Variants in KITLG observed in about 807,000 individuals in gnomAD.
KITLG encodes c-Kit ligand.
Under a neutral mutation model 34.1 loss-of-function variants are expected in KITLG, and 13 were observed. That is an observed-to-expected ratio of 0.38 (90% CI 0.25 to 0.61). The LOEUF (loss-of-function observed/expected upper bound fraction) is 0.61, where lower values mean the gene tolerates loss of function less well. Ranked by LOEUF, KITLG falls within the 20% of genes least tolerant of loss-of-function variation. The pLI is 0.60. For synonymous variants in KITLG, 110 were observed against 104.0 expected (o/e 1.06, Z -0.35); for missense variants, 292 against 318.9 (o/e 0.92, Z 0.64).
chr12:88,544,538 C>A (rs1426791017), intron 2 of KITLG, among the ~76,000 whole-genome samples: 2 of 151,600 alleles, frequency 1.3e-5, no homozygotes, highest in Non-Finnish European at 2.9e-5. Context: ...TCCCCCCTCA[C>A]CCCCATCCCT....
chr12:88,541,964 T>C (rs1388170501), intron 2 of KITLG, among the ~76,000 whole-genome samples: 1 of 152,170 alleles, frequency 6.6e-6, no homozygotes, highest in African/African-American at 2.4e-5. Flanking sequence ...AAGGAATGAT[T>C]TCCATTGAAG....
intron 9 of KITLG, 134 bp downstream of exon 9, chr12:88,505,025 C>T (rs1592836991): frequency 1.6e-5 from 8 of 515,936 alleles, no homozygotes; most frequent in Middle Eastern, 6.0e-4. Context: ...ATGTAAATGA[C>T]GAGTTAATGG....
At chr12:88,555,571 A>C (rs1871068730) in intron 1 of KITLG, among the ~76,000 whole-genome samples, 1 of 152,222 alleles carries the variant, frequency 6.6e-6, no homozygotes, top group African/African-American at 2.4e-5. Flanking sequence ...TACAGAAGGC[A>C]TATAGGTCTC....
intron 3 of KITLG, among the ~76,000 whole-genome samples, chr12:88,522,568 C>T (rs550041871): frequency 3.5e-4 from 53 of 151,964 alleles, no homozygotes; most frequent in African/African-American, 9.4e-4. Flanking sequence ...GTTGGGATTA[C>T]GGGCATCTGC....
chr12:88,556,795 A>G (rs966557020), intron 1 of KITLG, among the ~76,000 whole-genome samples: 5 of 152,200 alleles, frequency 3.3e-5, no homozygotes, highest in Non-Finnish European at 7.4e-5. Context: ...AGCCAAATAC[A>G]TGAGAGGGAA....
At chr12:88,579,829 C>A (rs1248475545) in intron 1 of KITLG, among the ~76,000 whole-genome samples, 1 of 152,170 alleles carries the variant, frequency 6.6e-6, no homozygotes, top group Non-Finnish European at 1.5e-5. Context: ...CGGGGCTACA[C>A]AAATAAATCT....
chr12:88,576,065 A>G (rs908932254), intron 1 of KITLG, among the ~76,000 whole-genome samples: 5 of 152,206 alleles, frequency 3.3e-5, no homozygotes, highest in African/African-American at 1.2e-4. Context: ...AAAATAAAAT[A>G]AAATGAAATA....
At chr12:88,518,961 C>G in intron 3 of KITLG, 94 bp from the exon 4 acceptor site, 1 of 1,107,826 alleles carries the variant, frequency 9.0e-7, no homozygotes, top group Non-Finnish European at 1.3e-6. Context: ...TTTAGTTACT[C>G]AAGTGATTCT....
intron 3 of KITLG, among the ~76,000 whole-genome samples, chr12:88,527,751 G>A (rs1869931530): frequency 6.6e-6 from 1 of 152,224 alleles, no homozygotes; most frequent in Non-Finnish European, 1.5e-5. Context: ...GATGGACTCT[G>A]TGTGCCTCTG....
chr12:88,507,080 G>A lies in KITLG; in HGVS notation c.662C>T (p.Pro221Leu). 6.2e-7 allele frequency: 1 copy of A among 1,613,768 alleles called. No homozygotes were observed. The highest frequency in any genetic ancestry group is 8.5e-7 in the Non-Finnish European group (1 of 1,179,686). The change falls in exon 7 of 10, where the codon CCA becomes CTA. Residue 221 changes from proline to leucine, a missense_variant. Coordinates refer to ENST00000644744, the MANE Select transcript of KITLG (RefSeq NM_000899.5). The stretch of plus-strand genomic sequence containing the variant: ...GCCAATTATAAGAGAAAACAATGCT[G>A]GCAATGCCATGGCTGCCCAGTGTAG... The part of the protein sequence containing the change: ...SSLHWAAMAL[P>L]ALFSLIIGFA...
At chr12:88,506,690 G>A (rs1291206106) in intron 7 of KITLG, among the ~76,000 whole-genome samples, 1 of 152,098 alleles carries the variant, frequency 6.6e-6, no homozygotes, top group Admixed American at 6.6e-5. Flanking sequence ...GCTTCAATAA[G>A]AAGAGAACAA....
intron 3 of KITLG, among the ~76,000 whole-genome samples, chr12:88,524,158 C>G (rs576859854): frequency 6.6e-6 from 1 of 152,166 alleles, no homozygotes; most frequent in African/African-American, 2.4e-5. Flanking sequence ...AAATTCTAAT[C>G]GATGCTGGCC....
Position 88,506,342 on chromosome 12 carries a change from T to C in KITLG, c.751A>G (p.Ile251Val). Reference sequence around the variant, plus strand: ...TCATTATCCTCTTCATTAATTTGTATATTTTCAACTGCCCTTGTAAGACTT... The same window carrying C: ...TCATTATCCTCTTCATTAATTTGTACATTTTCAACTGCCCTTGTAAGACTT... ...QPSLTRAVEN[I>V]QINEEDNEIS... Residue 251 changes from isoleucine (I) to valine (V), a missense_variant, in exon 8 of 10, where the codon ATA (isoleucine) becomes GTA (valine). Physicochemically the swap from Ile to Val is conservative, Grantham distance 29. This residue lies in a region of KITLG where 140 missense variants were observed against 111.0 expected (regional missense o/e 1.26). Coordinates refer to ENST00000644744, the MANE Select transcript of KITLG (RefSeq NM_000899.5). 1 of 1,610,518 alleles carries C rather than the reference T, an allele frequency of 6.2e-7. No individual in the cohort carries two copies.
Position 88,567,364 on chromosome 12 carries a change from CAGG to C in KITLG, c.15+12897_15+12899del, listed in dbSNP as rs372680246. ...TTTGTATTACAAAAGAGTTATAAAA[CAGG>C]AGCTGTTTTCTCTCTTTCACAAGTG... is the stretch of plus-strand genomic sequence containing the variant. On this transcript the variant is annotated intron_variant, in intron 1 of 9. Transcript: ENST00000644744. Among the ~76,000 whole-genome samples the C allele has an allele frequency of 4.6e-4, 70 of 152,248 alleles. 2 individuals are homozygous for C. The South Asian group carries it at 0.014, about 31-fold the overall frequency.
At chr12:88,499,402 C>G (rs1450272345) in intron 9 of KITLG, among the ~76,000 whole-genome samples, 7 of 152,092 alleles carry the variant, frequency 4.6e-5, no homozygotes, top group African/African-American at 1.7e-4. Flanking sequence ...CCCCTTAGCT[C>G]AGATATACCA....
At chr12:88,563,645 A>T (rs1213326709) in intron 1 of KITLG, among the ~76,000 whole-genome samples, 2 of 152,166 alleles carry the variant, frequency 1.3e-5, no homozygotes, top group Non-Finnish European at 2.9e-5. Flanking sequence ...TTGATGTAGG[A>T]GGAGACTCTA....
intron 3 of KITLG, among the ~76,000 whole-genome samples, chr12:88,531,255 GCTGTCCACA>G (rs1870075686): frequency 6.6e-6 from 1 of 152,140 alleles, no homozygotes; most frequent in Non-Finnish European, 1.5e-5. Flanking sequence ...ACTAGTGAAT[GCTGTCCACA>G]TTACAAGCCC....
intron 1 of KITLG, among the ~76,000 whole-genome samples, chr12:88,572,939 T>A (rs1442502766): frequency 1.3e-5 from 2 of 152,156 alleles, no homozygotes; most frequent in Non-Finnish European, 2.9e-5. Flanking sequence ...GCCCACGGAA[T>A]ACAGCAGTTT....
intron 1 of KITLG, among the ~76,000 whole-genome samples, chr12:88,548,482 G>A (rs1870791536): frequency 6.6e-6 from 1 of 151,554 alleles, no homozygotes; most frequent in Admixed American, 6.6e-5. Context: ...GATAACAAAA[G>A]AGTACATACA....
Sources: gnomAD v4.1 joint callset for allele counts (sites outside exome capture counted in the v4.1 genomes callset) on GRCh38, gnomAD v4.1.1 for gene constraint, gnomAD v4.1.1 regional missense constraint, MANE v1.5 for transcripts, NCBI Gene and HGNC (gene_info 2026-07-23, HGNC 2026-07-21) for gene names.